The following STOX2 variants were observed in gnomAD, a reference collection of about 807,000 sequenced individuals.
STOX2 encodes the protein storkhead box 2, also known as storkhead-box protein 2.
In STOX2, 28 loss-of-function variants were observed where a neutral mutation model predicts 60.9. The observed-to-expected ratio is 0.46, with a 90% CI of 0.34 to 0.63. The LOEUF is 0.63. Among genes scored for constraint, STOX2 ranks in the 30% least tolerant of loss-of-function variants. STOX2 has a pLI of 0.01. For synonymous variants in STOX2, 472 were observed against 463.9 expected (o/e 1.02, Z -0.22); for missense variants, 1,024 against 1,187.7 (o/e 0.86, Z 2.03).
chr4:183,862,194 G>A (rs1444381034), intron 1 of STOX2, among the ~76,000 whole-genome samples: 1 of 151,882 alleles, frequency 6.6e-6, no homozygotes, highest in Non-Finnish European at 1.5e-5. Context: ...TTTGTTTTTT[G>A]AGACAGAGTC....
Position 183,856,130 on chromosome 4 carries a change from G to A in STOX2, c.364+58075G>A, listed in dbSNP as rs151081607. 9.5e-4 allele frequency among the ~76,000 whole-genome samples: 145 copies of A among 152,198 alleles called. 1 individual carries two copies. The highest frequency in any genetic ancestry group is 3.5e-3 in the African/African-American group (145 of 41,534). On this transcript the variant is annotated intron_variant, in intron 1 of 2. Transcript: ENST00000513034. This position sits in a 1 kb window ranked among gnomAD's most constrained non-coding sequence, Gnocchi z 4.0. ...AAACATCCTAAGTGCGCACCCTGGG[G>A]TCTCGAATAGGCTGGTCACAGATTT...
At position 183,926,778 on chromosome 4, in the gene STOX2, T is replaced by C. The variant is rs543356264; in HGVS notation, c.166+19822T>C. 2.5e-3 allele frequency among the ~76,000 whole-genome samples: 382 copies of C among 152,272 alleles called. 1 individual carries two copies. Among genetic ancestry groups the C allele is most frequent in the Non-Finnish European group, 4.3e-3 (295 of 68,018 alleles). The stretch of plus-strand genomic sequence containing the variant: ...AGCTGGGACTTGGCACGCGCCACCA[T>C]GCCTGGCTAATTTTTGTATTTTTAG... On this transcript the variant is annotated intron_variant, in intron 1 of 3. Transcript: ENST00000308497.
chr4:183,912,393 C>T (rs1431951333), intron 1 of STOX2, among the ~76,000 whole-genome samples: 2 of 152,190 alleles, frequency 1.3e-5, no homozygotes, highest in Non-Finnish European at 2.9e-5. Flanking sequence ...TCTCTTTCCC[C>T]CACTGTTCAC....
intron 1 of STOX2, among the ~76,000 whole-genome samples, chr4:183,857,494 A>G (rs555485681): frequency 2.9e-4 from 15 of 51,776 alleles, no homozygotes; most frequent in African/African-American, 9.1e-4. Context: ...CCAGCCTTCC[A>G]CATACTGACA....
chr4:183,983,736 A>G (rs1342599432), intron 1 of STOX2, among the ~76,000 whole-genome samples: 2 of 152,232 alleles, frequency 1.3e-5, no homozygotes, highest in Non-Finnish European at 2.9e-5. Flanking sequence ...CATTGCAAAT[A>G]TAAAGTGGGC....
chr4:183,824,797 C>T (rs539896781), intron 1 of STOX2, among the ~76,000 whole-genome samples: 1 of 152,164 alleles, frequency 6.6e-6, no homozygotes, highest in African/African-American at 2.4e-5. Context: ...GCATTTAGTT[C>T]CAGCTGCTCA....
rs1734544301 is a variant in STOX2, at chr4:184,020,567, C to T, written c.*3283C>T. On this transcript the variant is annotated 3_prime_UTR_variant, in exon 4 of 4. Coordinates refer to ENST00000308497, the MANE Select transcript of STOX2 (RefSeq NM_020225.3). ...CACTCGCATGCTACCATGTCGAGCCCAAACTCCACTTTAATTAAAAGAGCT... is the reference window on the plus strand; with the variant it reads ...CACTCGCATGCTACCATGTCGAGCCTAAACTCCACTTTAATTAAAAGAGCT... 6.6e-6 allele frequency: 1 copy of T among 152,054 alleles called. No homozygotes were observed. The highest frequency in any genetic ancestry group is 1.5e-5 in the Non-Finnish European group (1 of 68,038). 9.4% of individuals were successfully genotyped at this position (152,054 alleles called of 1,614,324 possible). A position where few individuals can be genotyped will look rare whatever the true frequency, so the allele number is the denominator to read the frequency against.
At chr4:183,815,722 T>C (rs1453701241) in intron 1 of STOX2, among the ~76,000 whole-genome samples, 1 of 152,222 alleles carries the variant, frequency 6.6e-6, no homozygotes, top group African/African-American at 2.4e-5. Flanking sequence ...TTCAACCTTG[T>C]GGTCCTCAGC....
At chr4:183,991,766 T>C (rs377027981) in intron 1 of STOX2, among the ~76,000 whole-genome samples, 2 of 152,146 alleles carry the variant, frequency 1.3e-5, no homozygotes, top group East Asian at 1.9e-4. Context: ...ATTAAACATG[T>C]ATTAGGTCTC....
Position 184,018,726 on chromosome 4 carries a change from AG to A in STOX2, c.*1445del, listed in dbSNP as rs1329283672. 2.0e-4 allele frequency: 30 copies of A among 152,352 alleles called. No individual in the cohort carries two copies. Among genetic ancestry groups the A allele is most frequent in the African/African-American group, 7.2e-4 (30 of 41,580 alleles). The allele number at this position is 152,352 out of a possible 1,614,324, so 9.4% of individuals were successfully genotyped here. ...GAACACAAAGAAGACCCAGCAGCAA[AG>A]GGATGACCAATAATTTCATCTTATA... is the stretch of plus-strand genomic sequence containing the variant. On this transcript the variant is annotated 3_prime_UTR_variant, in exon 4 of 4. Coordinates refer to ENST00000308497, the MANE Select transcript of STOX2 (RefSeq NM_020225.3).
intron 1 of STOX2, among the ~76,000 whole-genome samples, chr4:183,830,726 A>C (rs1739546228): frequency 6.6e-6 from 1 of 152,138 alleles, no homozygotes; most frequent in Admixed American, 6.5e-5. Flanking sequence ...ATTGAAAAGA[A>C]ATTAGTCATG....
intron 1 of STOX2, among the ~76,000 whole-genome samples, chr4:183,916,810 C>T (rs984552465): frequency 3.9e-5 from 6 of 152,318 alleles, no homozygotes; most frequent in East Asian, 1.9e-4. Context: ...CGTCTTCCTA[C>T]GGTGACCTTT....
At chr4:183,817,171 T>C (rs1472303601) in intron 1 of STOX2, among the ~76,000 whole-genome samples, 1 of 152,236 alleles carries the variant, frequency 6.6e-6, no homozygotes, top group Admixed American at 6.5e-5. Flanking sequence ...GCTAGTGAAC[T>C]GAAGCAAAGA....
rs1277317236 is a variant in STOX2 at position 184,018,707 on chromosome 4, AAAG to A, written c.*1428_*1430del. On this transcript the variant is annotated 3_prime_UTR_variant, in exon 4 of 4. Transcript: ENST00000308497. Reference sequence around the variant, plus strand: ...TGGTTTACAATGTCATGTTGAACACAAAGAAGACCCAGCAGCAAAGGGATGACC... The same window carrying A: ...TGGTTTACAATGTCATGTTGAACACAAAGACCCAGCAGCAAAGGGATGACC... 2.0e-5 allele frequency: 3 copies of A among 152,244 alleles called. No individual in the cohort carries two copies. Among genetic ancestry groups the A allele is most frequent in the African/African-American group, 7.2e-5 (3 of 41,456 alleles). The allele number at this position is 152,244 out of a possible 1,614,324, so 9.4% of individuals were successfully genotyped here.
intron 1 of STOX2, among the ~76,000 whole-genome samples, chr4:183,942,591 C>T (rs1228655022): frequency 6.6e-6 from 1 of 151,968 alleles, no homozygotes; most frequent in African/African-American, 2.4e-5. Flanking sequence ...AAAAAAAAGT[C>T]ATTCCATATT....
At chr4:183,902,593 G>A (rs2111075153), upstream of STOX2, among the ~76,000 whole-genome samples, 1 of 152,244 alleles carries the variant, frequency 6.6e-6, no homozygotes, top group Non-Finnish European at 1.5e-5. Flanking sequence ...AGGGACATAG[G>A]GGTTGTATAT....
At chr4:184,005,285 C>A (rs1202525396) in intron 2 of STOX2, among the ~76,000 whole-genome samples, 1 of 151,964 alleles carries the variant, frequency 6.6e-6, no homozygotes, top group African/African-American at 2.4e-5. Context: ...CATGACGAAA[C>A]CTTGTCTCTA....
intron 1 of STOX2, among the ~76,000 whole-genome samples, chr4:183,954,281 T>G (rs186902258): frequency 0.019 from 2,830 of 150,818 alleles, 89 homozygotes; most frequent in East Asian, 0.095. Flanking sequence ...GGTTTTTTTG[T>G]TTTTTGTTTT....
rs114317929 is a variant in STOX2, at chr4:184,019,284, G to T, written c.*2000G>T. ...TATTTCCTCCAAGGCATGCCTCAAC[G>T]CATTGTTTGTCTCATTGCTTAAATA... On this transcript the variant is annotated 3_prime_UTR_variant, in exon 4 of 4. Transcript: ENST00000308497. 1 of 152,114 alleles carries T rather than the reference G, an allele frequency of 6.6e-6. No individual in the cohort carries two copies. Among genetic ancestry groups the T allele is most frequent in the Non-Finnish European group, 1.5e-5 (1 of 68,020 alleles). The allele number at this position is 152,114 out of a possible 1,614,324, so 9.4% of individuals were successfully genotyped here. A position where few individuals can be genotyped will look rare whatever the true frequency, so the allele number is the denominator to read the frequency against.
Sources: gnomAD v4.1 joint callset for allele counts (sites outside exome capture counted in the v4.1 genomes callset) on GRCh38, gnomAD v4.1.1 for gene constraint, Gnocchi (gnomAD v3.1) non-coding constraint, MANE v1.5 for transcripts, NCBI Gene and HGNC (gene_info 2026-07-23, HGNC 2026-07-21) for gene names.